The following CSMD1 variants were observed in gnomAD, a reference collection of about 807,000 sequenced individuals.
CSMD1 encodes CUB and Sushi multiple domains 1.
CSMD1 carries 213 observed loss-of-function variants against 417.5 expected under a neutral mutation model. The ratio of observed to expected loss-of-function variants is 0.51; its 90% CI spans 0.46 to 0.57. The LOEUF (loss-of-function observed/expected upper bound fraction) is 0.57, where lower values mean the gene tolerates loss of function less well. CSMD1 is among the 20% of genes least tolerant of loss of function. The pLI is 0.00. For synonymous variants in CSMD1, 2,862 were observed against 1,736.8 expected, an observed-to-expected ratio of 1.65 and a Z score of -16.11; for missense variants, 6,923 against 4,529.7, an observed-to-expected ratio of 1.53 and a Z score of -15.17.
At chr8:3,699,626 G>T (rs960240142) in intron 7 of CSMD1, among the ~76,000 whole-genome samples, 1 of 151,778 alleles carries the variant, frequency 6.6e-6, no homozygotes, top group Non-Finnish European at 1.5e-5. Context: ...ATCAGTAAAT[G>T]TTACTACCGT....
In CSMD1 at chr8:3,438,775, G is replaced by C. The variant is rs527481139; in HGVS notation, c.1562-29170C>G. On this transcript the variant is annotated intron_variant, in intron 12 of 69. Coordinates refer to ENST00000635120, the MANE Select transcript of CSMD1 (RefSeq NM_033225.6). Reference sequence around the variant, plus strand: ...CTTCACTTCTCTGAGATAAATGATTGGAAGTGCAATTGTCGGGTCATATGA... The same window carrying C: ...CTTCACTTCTCTGAGATAAATGATTCGAAGTGCAATTGTCGGGTCATATGA... 2.0e-5 allele frequency among the ~76,000 whole-genome samples: 3 copies of C among 152,070 alleles called. No individual in the cohort carries two copies. The East Asian group carries it at 5.8e-4, about 29-fold the overall frequency.
intron 26 of CSMD1, among the ~76,000 whole-genome samples, chr8:3,282,302 T>C (rs1802800593): frequency 6.6e-6 from 1 of 152,070 alleles, no homozygotes; most frequent in Non-Finnish European, 1.5e-5. Flanking sequence ...CTGTGTGCTG[T>C]GGACAGAGAG....
chr8:3,887,865 C>A (rs1244494918), intron 5 of CSMD1, among the ~76,000 whole-genome samples: 1 of 152,148 alleles, frequency 6.6e-6, no homozygotes, highest in Non-Finnish European at 1.5e-5. Context: ...AAGTCTTATT[C>A]ATGCTTTTAT....
intron 11 of CSMD1, among the ~76,000 whole-genome samples, chr8:3,480,509 T>G (rs953507705): frequency 1.3e-5 from 2 of 152,200 alleles, no homozygotes; most frequent in African/African-American, 4.8e-5. Flanking sequence ...GATGATGGTG[T>G]TGAAATTATT....
chr8:2,969,941 A>G (rs670604), intron 57 of CSMD1, among the ~76,000 whole-genome samples: 53,243 of 151,996 alleles, frequency 0.35, 9,927 homozygotes, highest in East Asian at 0.57. Context: ...TTTAGAAGTA[A>G]TCAATTTTGT....
intron 3 of CSMD1, among the ~76,000 whole-genome samples, chr8:4,184,998 G>A (rs1171477681): frequency 2.0e-5 from 3 of 151,806 alleles, no homozygotes; most frequent in Admixed American, 6.6e-5. Context: ...AATTAGCTGG[G>A]CCTGGTGGTG....
intron 5 of CSMD1, among the ~76,000 whole-genome samples, chr8:3,826,687 C>G (rs561396842): frequency 2.0e-5 from 3 of 152,194 alleles, no homozygotes; most frequent in African/African-American, 4.8e-5. Context: ...CCAACTCTGA[C>G]TTGGTCCTTG....
chr8:4,979,662 G>T (rs1047461590), intron 1 of CSMD1, among the ~76,000 whole-genome samples: 2 of 152,218 alleles, frequency 1.3e-5, no homozygotes, highest in Non-Finnish European at 2.9e-5. Context: ...ATATGTTGGT[G>T]TGGTGAAAAT....
intron 57 of CSMD1, among the ~76,000 whole-genome samples, chr8:2,971,010 T>C (rs548075859): frequency 6.6e-6 from 1 of 152,310 alleles, no homozygotes; most frequent in South Asian, 2.1e-4. Flanking sequence ...AAATATGTAT[T>C]TTCTAAGGTA....
intron 5 of CSMD1, among the ~76,000 whole-genome samples, chr8:3,873,636 G>A (rs976821811): frequency 6.6e-6 from 1 of 152,010 alleles, no homozygotes; most frequent in African/African-American, 2.4e-5. Flanking sequence ...GAAATAATTT[G>A]CATATCAAAC....
At chr8:3,572,926 C>T (rs964711868) in intron 10 of CSMD1, among the ~76,000 whole-genome samples, 3 of 152,076 alleles carry the variant, frequency 2.0e-5, no homozygotes, top group African/African-American at 7.2e-5. Flanking sequence ...GGAGACCAAA[C>T]AGAATATTCT....
In CSMD1 at chr8:3,162,167, T is replaced by C; in HGVS notation, c.5836A>G (p.Thr1946Ala). Residue 1946 changes from threonine to alanine, a missense_variant, in exon 38 of 70, where the codon ACC (threonine) becomes GCC (alanine). By Grantham distance (58) the Thr-to-Ala change is moderately conservative. Transcript: ENST00000635120. ...VLSFQCEPGY[T>A]LQGRSHISCM... ...ACTGAGAAGAAGGATACCTGCAGGGTGTACCCGGGCTCGCACTGGAAGGAG... is the reference window on the plus strand; with the variant it reads ...ACTGAGAAGAAGGATACCTGCAGGGCGTACCCGGGCTCGCACTGGAAGGAG... 11 of 1,599,246 alleles carry C rather than the reference T, an allele frequency of 6.9e-6. No homozygotes were observed. Among genetic ancestry groups the C allele is most frequent in the Non-Finnish European group, 9.4e-6 (11 of 1,170,918 alleles).
intron 5 of CSMD1, among the ~76,000 whole-genome samples, chr8:3,931,226 A>C (rs1277945042): frequency 6.6e-6 from 1 of 150,650 alleles, no homozygotes; most frequent in Non-Finnish European, 1.5e-5. Flanking sequence ...GGTTCGGAGA[A>C]TGATAATACA....
intron 5 of CSMD1, among the ~76,000 whole-genome samples, chr8:3,808,276 A>G (rs1800861568): frequency 6.6e-6 from 1 of 152,090 alleles, no homozygotes; most frequent in Non-Finnish European, 1.5e-5. Flanking sequence ...GAATATAAAG[A>G]TTTTTTTCAT....
In CSMD1 at chr8:4,383,613, G is replaced by T. The variant is rs73177325; in HGVS notation, c.415+36340C>A. Among the ~76,000 whole-genome samples the T allele has an allele frequency of 2.0e-5, 3 of 152,114 alleles. 1 individual carries two copies. Among genetic ancestry groups the T allele is most frequent in the Non-Finnish European group, 4.4e-5 (3 of 68,030 alleles). On this transcript the variant is annotated intron_variant, in intron 3 of 69. Transcript: ENST00000635120. ...ACATGGAAGTGTTTAATAAAGACGT[G>T]CTGATTAAACTGAGAATCAACTATG...
intron 7 of CSMD1, among the ~76,000 whole-genome samples, chr8:3,681,745 C>G (rs562620698): frequency 6.6e-6 from 1 of 152,240 alleles, no homozygotes; most frequent in African/African-American, 2.4e-5. Context: ...CAATCCTAAG[C>G]CAAAAGAACA....
At chr8:4,217,289 G>C (rs150748892) in intron 3 of CSMD1, among the ~76,000 whole-genome samples, 2 of 152,326 alleles carry the variant, frequency 1.3e-5, no homozygotes, top group East Asian at 3.9e-4. Flanking sequence ...TATAAGCCAA[G>C]TGTCCATGCA....
intron 5 of CSMD1, among the ~76,000 whole-genome samples, chr8:3,918,820 A>C (rs774880243): frequency 6.6e-6 from 1 of 152,116 alleles, no homozygotes; most frequent in Admixed American, 6.5e-5. Context: ...AATGGGAGCC[A>C]AACTATGAGG....
At chr8:3,133,052 G>A (rs991589500) in intron 41 of CSMD1, among the ~76,000 whole-genome samples, 1 of 152,162 alleles carries the variant, frequency 6.6e-6, no homozygotes, top group African/African-American at 2.4e-5. Flanking sequence ...GGATACACTG[G>A]AATAAAAGGC....
Sources: allele counts gnomAD v4.1 joint callset (sites outside exome capture counted in the v4.1 genomes callset), GRCh38; gene constraint gnomAD v4.1.1; transcripts MANE v1.5; gene names NCBI Gene and HGNC (gene_info 2026-07-23, HGNC 2026-07-21).